Variants in KDM1A observed in about 807,000 individuals in gnomAD.
The protein encoded by KDM1A is lysine-specific histone demethylase 1A.
A neutral mutation model predicts 109.4 loss-of-function variants in KDM1A; 49 were observed. The observed-to-expected ratio is 0.45, with a 90% CI of 0.36 to 0.57. KDM1A has a LOEUF of 0.57. KDM1A is among the 20% of genes least tolerant of loss of function. The pLI is 0.00. For missense variants in KDM1A, 668 were observed against 1,116.6 expected (o/e 0.60, Z 5.73); for synonymous variants, 380 against 415.4 (o/e 0.91, Z 1.04).
At position 23,042,435 on chromosome 1, in the gene KDM1A, A is replaced by ATAT. The variant is rs1404004021; in HGVS notation, c.518-1987_518-1985dup. 1.2e-3 allele frequency among the ~76,000 whole-genome samples: 70 copies of ATAT among 58,546 alleles called. 1 individual carries two copies. Among genetic ancestry groups the ATAT allele is most frequent in the Middle Eastern group, 8.6e-3 (1 of 116 alleles). The allele number at this position is 58,546 out of a possible 152,430, so 38.4% of individuals were successfully genotyped here. Reference sequence around the variant, plus strand: ...AACATTTTTTAAAAATCTATGAAATATATTATTTTTTTTTTTTTTTTTTTT... The same window carrying ATAT: ...AACATTTTTTAAAAATCTATGAAATATATTATTATTTTTTTTTTTTTTTTTTTT... On this transcript the variant is annotated intron_variant, in intron 2 of 20. Coordinates refer to ENST00000400181, the MANE Select transcript of KDM1A (RefSeq NM_001009999.3).
At chr1:23,024,345 G>A (rs1488523861) in intron 1 of KDM1A, among the ~76,000 whole-genome samples, 1 of 152,176 alleles carries the variant, frequency 6.6e-6, no homozygotes, top group African/African-American at 2.4e-5. Flanking sequence ...AGAGGATAGA[G>A]TATCCATTTA....
rs1039245223 is a variant in KDM1A at position 23,068,815 on chromosome 1, G to T, written c.1322+134G>T. On this transcript the variant is annotated intron_variant, in intron 11 of 20. Coordinates refer to ENST00000400181, the MANE Select transcript of KDM1A (RefSeq NM_001009999.3). ...TTTGTATGAAACCATTGAATCCAAAGTTAAAAATTATTTAAAATAATTATA... is the reference window on the plus strand; with the variant it reads ...TTTGTATGAAACCATTGAATCCAAATTTAAAAATTATTTAAAATAATTATA... 6.5e-6 allele frequency: 5 copies of T among 765,934 alleles called. No homozygotes were observed. The African/African-American group carries it at 9.1e-5, about 14-fold the overall frequency. The allele number at this position is 765,934 out of a possible 1,614,324, so 47.4% of individuals were successfully genotyped here. A position where few individuals can be genotyped will look rare whatever the true frequency, so the allele number is the denominator to read the frequency against.
intron 9 of KDM1A, among the ~76,000 whole-genome samples, chr1:23,060,428 T>C (rs1319681916): frequency 6.6e-6 from 1 of 152,184 alleles, no homozygotes; most frequent in African/African-American, 2.4e-5. Context: ...TGGAGTATTT[T>C]AAAGCAGATC....
chr1:23,082,574 G>A, intron 20 of KDM1A: 1 of 472,618 alleles, frequency 2.1e-6, no homozygotes, highest in Non-Finnish European at 3.7e-6. Flanking sequence ...CAGAATGGAG[G>A]AGTCCAGAGT....
At chr1:23,041,538 G>A (rs1313209475) in intron 2 of KDM1A, among the ~76,000 whole-genome samples, 1 of 141,540 alleles carries the variant, frequency 7.1e-6, no homozygotes, top group Admixed American at 7.6e-5. Flanking sequence ...CACCTCCCGA[G>A]TTCAAGCGAT....
At chr1:23,021,888 G>A (rs568945048) in intron 1 of KDM1A, among the ~76,000 whole-genome samples, 1 of 152,194 alleles carries the variant, frequency 6.6e-6, no homozygotes, top group South Asian at 2.1e-4. Flanking sequence ...TCTACTCTTT[G>A]TCTATGGATT....
chr1:23,082,978 A>G, intron 20 of KDM1A: 1 of 535,008 alleles, frequency 1.9e-6, no homozygotes, highest in South Asian at 2.4e-5. Flanking sequence ...GAGCCTAGGT[A>G]GAGTTTTATT....
At chr1:23,082,174 G>A in intron 19 of KDM1A, 46 bp from the exon 20 acceptor site, 1 of 1,601,400 alleles carries the variant, frequency 6.2e-7, no homozygotes, top group African/African-American at 1.3e-5. Context: ...GGATTGATTT[G>A]TGCTTGGTGT....
chr1:23,033,021 CCT>C (rs577389712), intron 2 of KDM1A, among the ~76,000 whole-genome samples: 14 of 152,110 alleles, frequency 9.2e-5, no homozygotes, highest in Non-Finnish European at 1.6e-4. Context: ...GCCTCAGCCC[CCT>C]GAGTAGCTGA....
intron 1 of KDM1A, among the ~76,000 whole-genome samples, chr1:23,027,246 C>T (rs1343967569): frequency 6.6e-6 from 1 of 152,184 alleles, no homozygotes; most frequent in East Asian, 1.9e-4. Context: ...GGAAATTAAG[C>T]ATGATAGTCT....
intron 15 of KDM1A, 65 bp from the exon 16 acceptor site, chr1:23,077,163 G>A: frequency 2.0e-6 from 3 of 1,503,954 alleles, no homozygotes; most frequent in Non-Finnish European, 2.7e-6. Flanking sequence ...TTGTTGTACA[G>A]AACTAGGTGC....
intron 10 of KDM1A, 69 bp from the exon 11 acceptor site, chr1:23,068,470 A>G (rs534619467): frequency 7.7e-7 from 1 of 1,295,334 alleles, no homozygotes; most frequent in Non-Finnish European, 1.1e-6. Flanking sequence ...ACTATAGAGC[A>G]TTTGTGTTTT....
chr1:23,047,946 AC>A (rs1454242302), intron 3 of KDM1A, among the ~76,000 whole-genome samples: 2 of 152,048 alleles, frequency 1.3e-5, no homozygotes, highest in African/African-American at 4.8e-5. Context: ...AGCCAAATGT[AC>A]TATAAAATTT....
chr1:23,056,431 GCCAAGA>G (rs911923676), intron 7 of KDM1A, among the ~76,000 whole-genome samples: 1 of 152,030 alleles, frequency 6.6e-6, no homozygotes, highest in Admixed American at 6.6e-5. Context: ...TCTTTTAGAA[GCCAAGA>G]TACTGGTTTT....
intron 9 of KDM1A, among the ~76,000 whole-genome samples, chr1:23,063,505 C>G (rs1479885455): frequency 6.6e-6 from 1 of 152,116 alleles, no homozygotes; most frequent in East Asian, 1.9e-4. Context: ...TGTTGGCCTT[C>G]TTGGTTTTCT....
chr1:23,045,347 G>C (rs1642471807), intron 3 of KDM1A, among the ~76,000 whole-genome samples: 1 of 152,172 alleles, frequency 6.6e-6, no homozygotes, highest in Non-Finnish European at 1.5e-5. Context: ...CATATAACAG[G>C]TCCTGGGACT....
intron 2 of KDM1A, among the ~76,000 whole-genome samples, chr1:23,033,405 C>T (rs1044650048): frequency 4.6e-5 from 7 of 151,800 alleles, no homozygotes; most frequent in African/African-American, 1.7e-4. Context: ...GCCTGTAATC[C>T]CAGCTACTTG....
At chr1:23,074,162 A>G (rs900943810) in intron 15 of KDM1A, among the ~76,000 whole-genome samples, 2 of 152,194 alleles carry the variant, frequency 1.3e-5, no homozygotes, top group Non-Finnish European at 2.9e-5. Flanking sequence ...TCTAATAGGT[A>G]TAGTAGTATT....
chr1:23,082,474 C>T, intron 20 of KDM1A, 108 bp downstream of exon 20: 9 of 1,082,038 alleles, frequency 8.3e-6, no homozygotes, highest in Non-Finnish European at 9.0e-6. Flanking sequence ...ATCTTCGGAC[C>T]CTTTCAGATA....
Sources: gnomAD v4.1 joint callset for allele counts (sites outside exome capture counted in the v4.1 genomes callset) on GRCh38, gnomAD v4.1.1 for gene constraint, MANE v1.5 for transcripts, NCBI Gene and HGNC (gene_info 2026-07-23, HGNC 2026-07-21) for gene names.